Variants in PPIL3 observed in about 807,000 individuals in gnomAD.
PPIL3 encodes the protein peptidylprolyl isomerase like 3.
PPIL3 carries 13 observed loss-of-function variants against 20.9 expected under a neutral mutation model. That is an observed-to-expected ratio of 0.62 (90% CI 0.40 to 0.99). The LOEUF (loss-of-function observed/expected upper bound fraction) is 0.99. Ranked by LOEUF, PPIL3 falls within the 50% of genes least tolerant of loss-of-function variation. The pLI is 0.00. For synonymous variants in PPIL3, 71 were observed against 64.4 expected (o/e 1.10, Z -0.49); for missense variants, 170 against 195.2 (o/e 0.87, Z 0.77).
chr2:200,873,897 G>A (rs903573579), intron 6 of PPIL3, among the ~76,000 whole-genome samples: 1 of 151,464 alleles, frequency 6.6e-6, no homozygotes, highest in Admixed American at 6.6e-5. Flanking sequence ...CCACTGGTAT[G>A]TACTTTAAAA....
At chr2:200,876,517 A>ATTT (rs1273010531) in intron 6 of PPIL3, among the ~76,000 whole-genome samples, 2 of 130,680 alleles carry the variant, frequency 1.5e-5, no homozygotes, top group Non-Finnish European at 3.3e-5. Flanking sequence ...TTTTCTTTTC[A>ATTT]TTTTTTTTTT....
chr2:200,873,287 G>A (rs553818417), intron 6 of PPIL3, among the ~76,000 whole-genome samples: 2 of 151,010 alleles, frequency 1.3e-5, no homozygotes, highest in Non-Finnish European at 2.9e-5. Context: ...TCTTCCTTCA[G>A]GTTCAAGCAA....
intron 2 of PPIL3, 58 bp from the exon 3 acceptor site, chr2:200,885,830 T>C: frequency 9.6e-7 from 1 of 1,044,610 alleles, no homozygotes; most frequent in Non-Finnish European, 1.5e-6. Context: ...CTTTATGCAT[T>C]GTTTATTTCC....
rs756564547 is a variant in PPIL3 at position 200,877,031 on chromosome 2, C to T, written c.247G>A (p.Val83Ile). Reference sequence around the variant, plus strand: ...TTAGCCATAGATACAACACCTCTAACATTGTGCTGAAAAAGACACATCAAA... The same window carrying T: ...TTAGCCATAGATACAACACCTCTAATATTGTGCTGAAAAAGACACATCAAA... ...DEYSEYLKHN[V>I]RGVVSMANNG... is the part of the protein sequence containing the mutation. The change falls in exon 6 of 7, where the codon GTT becomes ATT. Residue 83 changes from valine (V) to isoleucine (I), a missense_variant. Val to Ile is a conservative substitution (Grantham distance 29, BLOSUM62 3). Transcript: ENST00000392283. The T allele has an allele frequency of 1.3e-6, 2 of 1,596,854 alleles. No homozygotes were observed. Among genetic ancestry groups the T allele is most frequent in the South Asian group, 1.1e-5 (1 of 90,686 alleles).
chr2:200,888,054 C>CA (rs59288201), intron 1 of PPIL3, among the ~76,000 whole-genome samples: 3,847 of 103,002 alleles, frequency 0.037, 157 homozygotes, highest in African/African-American at 0.098. Flanking sequence ...GAGACTCCGT[C>CA]AAAAAAAAAA....
At chr2:200,879,294 A>AT (rs573535875) in intron 5 of PPIL3, among the ~76,000 whole-genome samples, 2 of 146,636 alleles carry the variant, frequency 1.4e-5, no homozygotes, top group Non-Finnish European at 3.1e-5. Context: ...AATTTTTTGT[A>AT]TTTTTTGGCA....
chr2:200,888,558 G>T, intron 1 of PPIL3: 2 of 169,562 alleles, frequency 1.2e-5, no homozygotes. Context: ...TCGCTATGTC[G>T]CCAGGCTGGA....
chr2:200,885,616 T>C (rs2039905816), intron 3 of PPIL3, 82 bp downstream of exon 3: 1 of 899,274 alleles, frequency 1.1e-6, no homozygotes. Context: ...TTTGTTGTTG[T>C]TATTTAGGTT....
chr2:200,875,772 C>G (rs1396342276), intron 6 of PPIL3, among the ~76,000 whole-genome samples: 3 of 151,946 alleles, frequency 2.0e-5, no homozygotes, highest in Non-Finnish European at 4.4e-5. Flanking sequence ...ATGGGTTCTG[C>G]TATGTTCCAC....
intron 3 of PPIL3, among the ~76,000 whole-genome samples, chr2:200,884,403 AAAAT>A (rs774715913): frequency 1.2e-4 from 18 of 152,182 alleles, no homozygotes; most frequent in African/African-American, 3.4e-4. Flanking sequence ...ACTCTGTCTC[AAAAT>A]AAATAAATAA....
chr2:200,878,390 C>CT (rs2039599207), intron 5 of PPIL3, among the ~76,000 whole-genome samples: 1 of 146,410 alleles, frequency 6.8e-6, no homozygotes, highest in Non-Finnish European at 1.5e-5. Context: ...TTCATTTTTT[C>CT]ATTTTTTTTT....
intron 3 of PPIL3, among the ~76,000 whole-genome samples, chr2:200,884,173 C>T (rs769241646): frequency 2.0e-5 from 3 of 152,128 alleles, no homozygotes; most frequent in African/African-American, 2.4e-5. Context: ...GCAGCCAAGA[C>T]GGGTGGATCA....
rs1270363211 is a variant in PPIL3 at position 200,871,451 on chromosome 2, G to A, written c.430C>T (p.Leu144Phe). ...ATGTCCTTAATGTGTACATCATTAAGAGGTCGGTATGTCTTCTCATTTACT... is the reference window on the plus strand; with the variant it reads ...ATGTCCTTAATGTGTACATCATTAAAAGGTCGGTATGTCTTCTCATTTACT... ...LPVNEKTYRP[L>F]NDVHIKDITI... The change falls in exon 7 of 7, where the codon CTT becomes TTT. Residue 144 changes from leucine (L) to phenylalanine (F), a missense_variant. Leu to Phe is a conservative substitution (Grantham distance 22, BLOSUM62 0). Coordinates refer to ENST00000392283, the MANE Select transcript of PPIL3 (RefSeq NM_130906.3). 1 of 1,610,342 alleles carries A rather than the reference G, an allele frequency of 6.2e-7. No individual in the cohort carries two copies. The highest frequency in any genetic ancestry group is 1.1e-5 in the South Asian group (1 of 91,014).
Position 200,878,515 on chromosome 2 carries a change from G to A in PPIL3, c.241-1478C>T, listed in dbSNP as rs181802190. ...AGCAATCCTTCCACCTTGGCCTCCT[G>A]AGTAGCTGAGACTACAGATGTACAC... On this transcript the variant is annotated intron_variant, in intron 5 of 6. Coordinates refer to ENST00000392283, the MANE Select transcript of PPIL3 (RefSeq NM_130906.3). 8.1e-4 allele frequency among the ~76,000 whole-genome samples: 122 copies of A among 151,484 alleles called. No homozygotes were observed. The East Asian group carries it at 0.02, about 25-fold the overall frequency.
chr2:200,881,513 AAAG>A (rs2039723687), intron 4 of PPIL3, 25 bp from the exon 5 acceptor site: 9 of 1,585,272 alleles, frequency 5.7e-6, no homozygotes, highest in Non-Finnish European at 7.8e-6. Flanking sequence ...AAGCAAATCA[AAAG>A]AAGTATTTAA....
chr2:200,879,408 C>A (rs1042584074), intron 5 of PPIL3, among the ~76,000 whole-genome samples: 1 of 152,152 alleles, frequency 6.6e-6, no homozygotes, highest in South Asian at 2.1e-4. Context: ...TGTGAGCCAC[C>A]GCGCCCGGCC....
intron 6 of PPIL3, among the ~76,000 whole-genome samples, chr2:200,875,393 G>C (rs2039471884): frequency 6.6e-6 from 1 of 151,828 alleles, no homozygotes; most frequent in African/African-American, 2.4e-5. Flanking sequence ...TCAGCTTCCT[G>C]AGTAGCTGGA....
At chr2:200,877,061 T>C (rs1194879636) in intron 5 of PPIL3, 24 bp from the exon 6 acceptor site, 2 of 1,438,360 alleles carry the variant, frequency 1.4e-6, no homozygotes, top group Non-Finnish European at 2.0e-6. Context: ...ATCAAAGTAT[T>C]AACTGTGTTT....
Position 200,888,856 on chromosome 2 carries a change from C to A in PPIL3, c.-71+100G>T, listed in dbSNP as rs892884085. 22 of 458,892 alleles carry A rather than the reference C, an allele frequency of 4.8e-5. No individual in the cohort carries two copies. In the Admixed American group the frequency reaches 5.2e-4, roughly 11 times the overall value. 28.4% of individuals were successfully genotyped at this position (458,892 alleles called of 1,614,324 possible). On this transcript the variant is annotated intron_variant, in intron 1 of 6. Coordinates refer to ENST00000392283, the MANE Select transcript of PPIL3 (RefSeq NM_130906.3). Reference sequence around the variant, plus strand: ...GTTGCAACAACAGCCTCGCCGCCCACTGTTCACTCGCAGTATCCCAAGAAC... The same window carrying A: ...GTTGCAACAACAGCCTCGCCGCCCAATGTTCACTCGCAGTATCCCAAGAAC...
Sources: allele counts gnomAD v4.1 joint callset (sites outside exome capture counted in the v4.1 genomes callset), GRCh38; gene constraint gnomAD v4.1.1; transcripts MANE v1.5; gene names NCBI Gene and HGNC (gene_info 2026-07-23, HGNC 2026-07-21).